Variants in PTPRZ1 observed in about 807,000 individuals in gnomAD.
PTPRZ1 encodes the protein receptor-type tyrosine-protein phosphatase zeta.
A neutral mutation model predicts 214.1 loss-of-function variants in PTPRZ1; 82 were observed. The ratio of observed to expected loss-of-function variants is 0.38; its 90% CI spans 0.32 to 0.46. PTPRZ1 has a LOEUF of 0.46. Among genes scored for constraint, PTPRZ1 ranks in the 20% least tolerant of loss-of-function variants. PTPRZ1 has a pLI of 1.00. For missense variants in PTPRZ1, 2,603 were observed against 2,748.7 expected (o/e 0.95, Z 1.19); for synonymous variants, 945 against 987.9 (o/e 0.96, Z 0.81).
chr7:121,901,219 A>G (rs912146127), intron 1 of PTPRZ1, among the ~76,000 whole-genome samples: 2 of 152,170 alleles, frequency 1.3e-5, no homozygotes, highest in African/African-American at 2.4e-5. Flanking sequence ...AAGCAAAAAC[A>G]TTATGCATGC....
chr7:121,969,910 T>C (rs1797179628), intron 3 of PTPRZ1, among the ~76,000 whole-genome samples: 1 of 151,480 alleles, frequency 6.6e-6, no homozygotes, highest in Admixed American at 6.6e-5. Context: ...CATTAACTTG[T>C]CATTTACATT....
intron 22 of PTPRZ1, among the ~76,000 whole-genome samples, chr7:122,043,012 T>C (rs953658490): frequency 2.0e-5 from 3 of 152,212 alleles, no homozygotes; most frequent in African/African-American, 7.2e-5. Context: ...AGTCTTCACT[T>C]GGCTGTTTCC....
At chr7:121,998,723 A>T (rs534839756) in intron 10 of PTPRZ1, among the ~76,000 whole-genome samples, 9 of 152,298 alleles carry the variant, frequency 5.9e-5, no homozygotes, top group African/African-American at 1.9e-4. Context: ...TAGTGTAAGC[A>T]GTTTTAAATA....
chr7:122,045,683 TACAC>T lies in PTPRZ1; in HGVS notation c.6084+1143_6084+1146del, dbSNP rs71172161. Among the ~76,000 whole-genome samples the T allele has an allele frequency of 1.3e-3, 186 of 146,600 alleles. No homozygotes were observed. The Middle Eastern group carries it at 0.014, about 11-fold the overall frequency. On this transcript the variant is annotated intron_variant, in intron 23 of 29. Transcript: ENST00000393386. ...AAAGATATCTTTTCCCTAAATAAAT[TACAC>T]ACACACACACACACACACACACACA...
rs117130473 is a variant in PTPRZ1 at position 121,896,369 on chromosome 7, T to C, written c.58+22812T>C. On this transcript the variant is annotated intron_variant, in intron 1 of 29. Transcript: ENST00000393386. ...ACCAGCCTTGGAAGCTACCATTCTA[T>C]TTTCTGTGTCTAAGAGTTTGCCTAC... 8.5e-4 allele frequency among the ~76,000 whole-genome samples: 130 copies of C among 152,342 alleles called. 3 individuals carry two copies. In the East Asian group the frequency reaches 0.024, roughly 28 times the overall value.
intron 8 of PTPRZ1, among the ~76,000 whole-genome samples, chr7:121,993,287 C>T (rs1339734303): frequency 2.0e-5 from 3 of 151,900 alleles, no homozygotes; most frequent in Non-Finnish European, 4.4e-5. Flanking sequence ...TGCGGTGACT[C>T]ATGCCTGTAA....
intron 26 of PTPRZ1, 64 bp downstream of exon 26, chr7:122,054,102 A>G (rs1792274910): frequency 1.9e-6 from 3 of 1,553,276 alleles, no homozygotes; most frequent in Admixed American, 3.6e-5. Context: ...CAAACAGCAA[A>G]AAGTCCAGCA....
intron 1 of PTPRZ1, among the ~76,000 whole-genome samples, chr7:121,896,195 A>G (rs1195083605): frequency 6.6e-6 from 1 of 152,238 alleles, no homozygotes; most frequent in Non-Finnish European, 1.5e-5. Flanking sequence ...ATAAAAACAC[A>G]TAACTTGAAA....
intron 11 of PTPRZ1, among the ~76,000 whole-genome samples, chr7:122,005,828 T>G (rs1430533368): frequency 6.6e-6 from 1 of 152,010 alleles, no homozygotes; most frequent in East Asian, 1.9e-4. Flanking sequence ...TATATAAGTA[T>G]TACACATCAC....
intron 2 of PTPRZ1, among the ~76,000 whole-genome samples, chr7:121,953,830 C>A (rs1796630051): frequency 6.6e-6 from 1 of 152,078 alleles, no homozygotes; most frequent in Non-Finnish European, 1.5e-5. Context: ...TTCTTCCCAG[C>A]CACCCACCAT....
intron 10 of PTPRZ1, among the ~76,000 whole-genome samples, chr7:122,001,069 A>C (rs1798308640): frequency 6.6e-6 from 1 of 152,146 alleles, no homozygotes; most frequent in African/African-American, 2.4e-5. Context: ...TGATAAAACT[A>C]TGCATTTAAA....
At chr7:121,970,919 G>A (rs1469352274) in intron 3 of PTPRZ1, among the ~76,000 whole-genome samples, 2 of 151,980 alleles carry the variant, frequency 1.3e-5, no homozygotes, top group African/African-American at 2.4e-5. Context: ...TTTCTTCTAG[G>A]GTTTTTATGG....
chr7:122,055,161 C>A, intron 27 of PTPRZ1, 74 bp downstream of exon 27: 1 of 1,190,530 alleles, frequency 8.4e-7, no homozygotes, highest in Non-Finnish European at 1.1e-6. Context: ...AAGGATCTGT[C>A]CTAGAAATGA....
intron 1 of PTPRZ1, among the ~76,000 whole-genome samples, chr7:121,885,629 A>C (rs983455779): frequency 1.1e-4 from 16 of 152,210 alleles, no homozygotes; most frequent in Non-Finnish European, 2.4e-4. Context: ...AGAAATCAAG[A>C]AAACACAAGA....
At chr7:121,995,556 G>A (rs945007424) in intron 8 of PTPRZ1, among the ~76,000 whole-genome samples, 3 of 152,172 alleles carry the variant, frequency 2.0e-5, no homozygotes, top group African/African-American at 7.2e-5. Flanking sequence ...ATGATTCCCA[G>A]CATGGGCCTG....
chr7:122,060,284 C>G (rs756532507), intron 29 of PTPRZ1, among the ~76,000 whole-genome samples: 1 of 152,104 alleles, frequency 6.6e-6, no homozygotes, highest in Non-Finnish European at 1.5e-5. Flanking sequence ...TGCAGAGGAG[C>G]CCCTAATAAG....
intron 1 of PTPRZ1, among the ~76,000 whole-genome samples, chr7:121,888,890 G>C (rs530347643): frequency 1.1e-4 from 16 of 152,114 alleles, no homozygotes; most frequent in African/African-American, 3.1e-4. Flanking sequence ...TTACATAATA[G>C]CTAAAAGCAG....
intron 27 of PTPRZ1, 121 bp downstream of exon 27, chr7:122,055,208 T>A (rs1343718638): frequency 1.9e-5 from 15 of 771,658 alleles, no homozygotes; most frequent in Non-Finnish European, 2.8e-5. Context: ...TTGAGACAAA[T>A]ACACAAATAA....
chr7:121,958,297 C>A (rs553889136), intron 2 of PTPRZ1, among the ~76,000 whole-genome samples: 1 of 152,170 alleles, frequency 6.6e-6, no homozygotes, highest in Non-Finnish European at 1.5e-5. Flanking sequence ...GACACTTAGA[C>A]GGTCTCTGCT....
Sources: allele counts gnomAD v4.1 joint callset (sites outside exome capture counted in the v4.1 genomes callset), GRCh38; gene constraint gnomAD v4.1.1; transcripts MANE v1.5; gene names NCBI Gene and HGNC (gene_info 2026-07-23, HGNC 2026-07-21).